The following NOX3 variants were observed in gnomAD, a reference collection of about 807,000 sequenced individuals.
NOX3 encodes NADPH oxidase 3, also known as NADPH oxidase catalytic subunit-like 3.
In NOX3, 74 loss-of-function variants were observed where a neutral mutation model predicts 76.7. The observed-to-expected ratio is 0.96, with a 90% CI of 0.80 to 1.17. NOX3 has a LOEUF of 1.17. Among genes scored for constraint, NOX3 ranks in the 50% most tolerant of loss-of-function variants. The probability of loss-of-function intolerance (pLI) is 0.00; values close to 1 mark genes in which losing one functional copy is unlikely to be tolerated. For synonymous variants in NOX3, 263 were observed against 261.1 expected (o/e 1.01, Z -0.07); for missense variants, 695 against 703.3 (o/e 0.99, Z 0.13).
intron 10 of NOX3, among the ~76,000 whole-genome samples, chr6:155,417,266 C>T (rs557181494): frequency 1.3e-5 from 2 of 152,212 alleles, no homozygotes; most frequent in African/African-American, 4.8e-5. Flanking sequence ...TAGGTATATG[C>T]ATATAAATGC....
At chr6:155,401,165 A>AC (rs1320095773) in intron 12 of NOX3, among the ~76,000 whole-genome samples, 1 of 152,084 alleles carries the variant, frequency 6.6e-6, no homozygotes, top group Non-Finnish European at 1.5e-5. Context: ...TGATAAATCC[A>AC]CCCTGTACTC....
At chr6:155,420,406 T>A (rs1776674363) in intron 10 of NOX3, among the ~76,000 whole-genome samples, 1 of 152,156 alleles carries the variant, frequency 6.6e-6, no homozygotes, top group Non-Finnish European at 1.5e-5. Context: ...AAGGAAGAAC[T>A]TAGGGTGGCT....
chr6:155,428,594 T>C (rs528324695), intron 9 of NOX3, among the ~76,000 whole-genome samples, 200 bp downstream of exon 9: 58 of 151,390 alleles, frequency 3.8e-4, no homozygotes, highest in African/African-American at 1.1e-3. Flanking sequence ...TTCTTTTTTT[T>C]TTTTTTTTTT....
At chr6:155,412,965 G>A (rs1378607865) in intron 10 of NOX3, among the ~76,000 whole-genome samples, 13 of 152,188 alleles carry the variant, frequency 8.5e-5, no homozygotes, top group African/African-American at 1.7e-4. Flanking sequence ...AACCCCAGGC[G>A]GGTTAGAAGT....
At chr6:155,414,377 C>T (rs1222206908) in intron 10 of NOX3, among the ~76,000 whole-genome samples, 1 of 152,110 alleles carries the variant, frequency 6.6e-6, no homozygotes, top group Non-Finnish European at 1.5e-5. Context: ...CTGTGCTTTC[C>T]AATGCTCACC....
intron 11 of NOX3, among the ~76,000 whole-genome samples, chr6:155,409,678 C>T (rs231966): frequency 0.05 from 7,663 of 152,090 alleles, 337 homozygotes; most frequent in East Asian, 0.16. Flanking sequence ...GATTCTTTCC[C>T]GACAGAATGC....
At chr6:155,434,311 T>C (rs1776873632) in intron 7 of NOX3, among the ~76,000 whole-genome samples, 1 of 152,220 alleles carries the variant, frequency 6.6e-6, no homozygotes, top group African/African-American at 2.4e-5. Context: ...ATGCTGTGGT[T>C]AAATGACATA....
intron 10 of NOX3, among the ~76,000 whole-genome samples, chr6:155,416,957 G>C (rs1179229671): frequency 2.0e-5 from 3 of 151,846 alleles, no homozygotes; most frequent in African/African-American, 7.3e-5. Context: ...TGCCATGTTG[G>C]TCAGGCTGGT....
chr6:155,419,892 C>T (rs1776667700), intron 10 of NOX3, among the ~76,000 whole-genome samples: 1 of 151,902 alleles, frequency 6.6e-6, no homozygotes. Context: ...TAAACAAAAC[C>T]TTAATACCCT....
chr6:155,439,481 C>T (rs1776952849), intron 6 of NOX3, among the ~76,000 whole-genome samples: 1 of 152,168 alleles, frequency 6.6e-6, no homozygotes, highest in Admixed American at 6.5e-5. Context: ...GAAGGGCTCA[C>T]TCTGATAACT....
At chr6:155,417,185 T>G (rs372107079) in intron 10 of NOX3, among the ~76,000 whole-genome samples, 1 of 152,190 alleles carries the variant, frequency 6.6e-6, no homozygotes, top group South Asian at 2.1e-4. Context: ...TATGCTTTAA[T>G]GAAAAACAAA....
intron 5 of NOX3, among the ~76,000 whole-genome samples, chr6:155,441,259 G>T (rs1776981897): frequency 6.6e-6 from 1 of 151,922 alleles, no homozygotes; most frequent in South Asian, 2.1e-4. Flanking sequence ...ATTAATTTGG[G>T]CGGCTTTGAG....
chr6:155,428,833 G>T lies in NOX3; in HGVS notation c.1106C>A (p.Ala369Glu). The T allele has an allele frequency of 6.3e-7, 1 of 1,576,744 alleles. No individual in the cohort carries two copies. The highest frequency in any genetic ancestry group is 8.6e-7 in the Non-Finnish European group (1 of 1,156,692). ...WTAALLEAFGAEGQALQEPWS... is the reference protein window; with the variant it reads ...WTAALLEAFGEEGQALQEPWS... ...GGGCTCCTGGAGGGCCTGTCCCTCT[G>T]CCCCAAAGGCCTCCAGTAGCGCTGC... Residue 369 changes from alanine to glutamate, a missense_variant, in exon 9 of 14, where the codon GCA becomes GAA. Transcript: ENST00000159060.
intron 10 of NOX3, among the ~76,000 whole-genome samples, chr6:155,414,623 C>CTTTTTTTTTTTTTTTTTTT (rs72348061): frequency 8.8e-6 from 1 of 113,790 alleles, no homozygotes; most frequent in Non-Finnish European, 1.8e-5. Flanking sequence ...TCTTTTCTTT[C>CTTTTTTTTTTTTTTTTTTT]TTTTTTTTTT....
chr6:155,425,406 G>T (rs1776743968), intron 9 of NOX3, among the ~76,000 whole-genome samples: 1 of 152,112 alleles, frequency 6.6e-6, no homozygotes, highest in Non-Finnish European at 1.5e-5. Context: ...CTCAGAAAAT[G>T]ATTTGTCTTG....
intron 7 of NOX3, among the ~76,000 whole-genome samples, chr6:155,434,969 G>A (rs1246965137): frequency 6.6e-6 from 1 of 152,224 alleles, no homozygotes; most frequent in Admixed American, 6.5e-5. Flanking sequence ...GCTTTGTAGA[G>A]ACCGAGTAGG....
chr6:155,428,586 CTTT>C (rs35328292), intron 9 of NOX3, among the ~76,000 whole-genome samples: 18 of 138,414 alleles, frequency 1.3e-4, no homozygotes, highest in Admixed American at 2.1e-4. Flanking sequence ...GTCTTTTTTT[CTTT>C]TTTTTTTTTT....
At chr6:155,399,118 C>T (rs1263929157) in intron 12 of NOX3, among the ~76,000 whole-genome samples, 2 of 152,182 alleles carry the variant, frequency 1.3e-5, no homozygotes, top group Non-Finnish European at 2.9e-5. Flanking sequence ...AGACCCTTCC[C>T]AGTGAGGAGT....
chr6:155,436,085 A>G (rs1776899700), intron 7 of NOX3, among the ~76,000 whole-genome samples: 1 of 152,190 alleles, frequency 6.6e-6, no homozygotes, highest in Non-Finnish European at 1.5e-5. Flanking sequence ...TATGCAGAGG[A>G]CAGGTGGCTA....
Sources: allele counts gnomAD v4.1 joint callset (sites outside exome capture counted in the v4.1 genomes callset), GRCh38; gene constraint gnomAD v4.1.1; transcripts MANE v1.5; gene names NCBI Gene and HGNC (gene_info 2026-07-23, HGNC 2026-07-21).